The following RFTN1 variants were observed in gnomAD, a reference collection of about 807,000 sequenced individuals.
RFTN1 encodes the protein raftlin, lipid raft linker 1, also known as raftlin.
RFTN1 carries 26 observed loss-of-function variants against 46.5 expected under a neutral mutation model. The observed-to-expected ratio is 0.56, with a 90% CI of 0.41 to 0.78. The LOEUF is 0.78. RFTN1 is among the 30% of genes least tolerant of loss of function. The pLI, the probability that RFTN1 is intolerant of heterozygous loss-of-function variation, is 0.00. For missense variants in RFTN1, 693 were observed against 718.7 expected, an observed-to-expected ratio of 0.96 and a Z score of 0.41; for synonymous variants, 261 against 284.2, an observed-to-expected ratio of 0.92 and a Z score of 0.82.
rs1411481374 is a variant in RFTN1 at position 16,335,529 on chromosome 3, CAT to C, written c.1147-8655_1147-8654del. On this transcript the variant is annotated intron_variant, in intron 7 of 9. Coordinates refer to ENST00000334133, the MANE Select transcript of RFTN1 (RefSeq NM_015150.2). The surrounding 1 kb of genome is among the most constrained non-coding windows in gnomAD (Gnocchi z 4.7). ...CGCAGGAACAGAAAATCAAACACCA[CAT>C]GTTCTCACTTACAAGTGGGAGAGCT... Among the ~76,000 whole-genome samples, 4 of 152,200 alleles carry C rather than the reference CAT, an allele frequency of 2.6e-5. No individual in the cohort carries two copies. Among genetic ancestry groups the C allele is most frequent in the Admixed American group, 2.0e-4 (3 of 15,278 alleles).
intron 3 of RFTN1, among the ~76,000 whole-genome samples, chr3:16,420,974 G>A (rs981010523): frequency 6.6e-6 from 1 of 152,134 alleles, no homozygotes; most frequent in African/African-American, 2.4e-5. Context: ...GCAAGATTCC[G>A]ACTGCTTCAG....
rs767154890 is a variant in RFTN1 at position 16,382,753 on chromosome 3, G to T, written c.442-4651C>A. The stretch of plus-strand genomic sequence containing the variant: ...CACACCCTACCACATTTATCCCCCA[G>T]TGTTTCTGGAATTACTTCCTCCTTC... On this transcript the variant is annotated intron_variant, in intron 4 of 9. Coordinates refer to ENST00000334133, the MANE Select transcript of RFTN1 (RefSeq NM_015150.2). This position sits in a 1 kb window ranked among gnomAD's most constrained non-coding sequence, Gnocchi z 4.7. Among the ~76,000 whole-genome samples the T allele has an allele frequency of 1.1e-4, 16 of 152,134 alleles. No individual in the cohort carries two copies. The highest frequency in any genetic ancestry group is 1.5e-4 in the Non-Finnish European group (10 of 68,014).
rs1359854749 is a variant in RFTN1 at position 16,348,458 on chromosome 3, C to T, written c.1146+9474G>A. Among the ~76,000 whole-genome samples the T allele has an allele frequency of 6.6e-6, 1 of 152,176 alleles. No homozygotes were observed. The highest frequency in any genetic ancestry group is 1.5e-5 in the Non-Finnish European group (1 of 68,028). ...GCCCCCACACTCAATTCCCTTAGCC[C>T]ATCCAAGTCCTGGCTTGACTTGCCA... On this transcript the variant is annotated intron_variant, in intron 7 of 9. Coordinates refer to ENST00000334133, the MANE Select transcript of RFTN1 (RefSeq NM_015150.2). This position sits in a 1 kb window ranked among gnomAD's most constrained non-coding sequence, Gnocchi z 6.3.
rs2075967715 is a variant in RFTN1 at position 16,459,340 on chromosome 3, T to A, written c.146-25303A>T. Among the ~76,000 whole-genome samples the A allele has an allele frequency of 6.6e-6, 1 of 152,234 alleles. No individual in the cohort carries two copies. The highest frequency in any genetic ancestry group is 6.5e-5 in the Admixed American group (1 of 15,292). On this transcript the variant is annotated intron_variant, in intron 2 of 9. Coordinates refer to ENST00000334133, the MANE Select transcript of RFTN1 (RefSeq NM_015150.2). The surrounding 1 kb of genome is among the most constrained non-coding windows in gnomAD (Gnocchi z 4.2). ...CTCTTACATGAAGAGTTATGTGCCC[T>A]AGTAGAAAACTATTTTTCATTTTCT...
At position 16,507,200 on chromosome 3, in the gene RFTN1, T is replaced by C. The variant is rs2076822217; in HGVS notation, c.-9+6242A>G. Among the ~76,000 whole-genome samples, 1 of 152,208 alleles carries C rather than the reference T, an allele frequency of 6.6e-6. No homozygotes were observed. Reference sequence around the variant, plus strand: ...GCTCAGACACATAGAAAGAGCAGTATAAATATTAACCGTTTTAGTACTCTA... The same window carrying C: ...GCTCAGACACATAGAAAGAGCAGTACAAATATTAACCGTTTTAGTACTCTA... On this transcript the variant is annotated intron_variant, in intron 1 of 9. Transcript: ENST00000334133. This position sits in a 1 kb window ranked among gnomAD's most constrained non-coding sequence, Gnocchi z 7.1.
rs145852541 is a variant in RFTN1 at position 16,481,713 on chromosome 3, AG to A, written c.145+12011del. ...AAACAGAAGCCAAAAGTGGGTCAGGAGAAACTGTTTAATCTAATAGTCTGGA... is the reference window on the plus strand; with the variant it reads ...AAACAGAAGCCAAAAGTGGGTCAGGAAAACTGTTTAATCTAATAGTCTGGA... On this transcript the variant is annotated intron_variant, in intron 2 of 9. Transcript: ENST00000334133. This position sits in a 1 kb window ranked among gnomAD's most constrained non-coding sequence, Gnocchi z 5.1. Among the ~76,000 whole-genome samples, 379 of 152,372 alleles carry A rather than the reference AG, an allele frequency of 2.5e-3. 2 individuals are homozygous for A. Among genetic ancestry groups the A allele is most frequent in the Middle Eastern group, 0.01 (3 of 294 alleles).
Position 16,316,822 on chromosome 3 carries a change from C to T in RFTN1, c.*6G>A, listed in dbSNP as rs1441163462. 3.7e-6 allele frequency: 6 copies of T among 1,613,376 alleles called. No homozygotes were observed. Among genetic ancestry groups the T allele is most frequent in the Admixed American group, 3.3e-5 (2 of 59,916 alleles). ...TCACCTAGTTTTAGCACAAATTGCCCAAGACTCAGTTTTCTTCAACCGTAC... is the reference window on the plus strand; with the variant it reads ...TCACCTAGTTTTAGCACAAATTGCCTAAGACTCAGTTTTCTTCAACCGTAC... On this transcript the variant is annotated 3_prime_UTR_variant, in exon 10 of 10. Transcript: ENST00000334133. This position sits in a 1 kb window ranked among gnomAD's most constrained non-coding sequence, Gnocchi z 4.5.
chr3:16,461,220 G>A (rs187571445), intron 2 of RFTN1, among the ~76,000 whole-genome samples: 117 of 152,064 alleles, frequency 7.7e-4, no homozygotes, highest in African/African-American at 2.6e-3. Flanking sequence ...AGTTTCTTAG[G>A]CAATTCAAAT....
Position 16,320,731 on chromosome 3 carries a change from G to A in RFTN1, c.1332+2645C>T, listed in dbSNP as rs1017982647. On this transcript the variant is annotated intron_variant, in intron 9 of 9. Transcript: ENST00000334133. The surrounding 1 kb of genome is among the most constrained non-coding windows in gnomAD (Gnocchi z 4.5). ...AGAATGTCCTTGGCAGAGGGGACAC[G>A]GAAGAACTGGAGGCCACAGAGGAGC... is the stretch of plus-strand genomic sequence containing the variant. 2.0e-5 allele frequency among the ~76,000 whole-genome samples: 3 copies of A among 152,226 alleles called. No individual in the cohort carries two copies. Among genetic ancestry groups the A allele is most frequent in the Non-Finnish European group, 4.4e-5 (3 of 68,038 alleles).
At chr3:16,406,034 A>G (rs1318443465) in intron 4 of RFTN1, among the ~76,000 whole-genome samples, 1 of 152,228 alleles carries the variant, frequency 6.6e-6, no homozygotes, top group Non-Finnish European at 1.5e-5. Flanking sequence ...TTGCAGTGAA[A>G]AAAACCACAA....
In RFTN1 at chr3:16,376,785, C is replaced by T. The variant is rs1354732318; in HGVS notation, c.826+933G>A. Among the ~76,000 whole-genome samples the T allele has an allele frequency of 4.6e-5, 7 of 152,344 alleles. 1 individual carries two copies. In the South Asian group the frequency reaches 1.2e-3, roughly 27 times the overall value. ...GAATTAACCATCCCATAATTTTCCTCTCAAGAAGTTCTGATGTAACAAAAG... is the reference window on the plus strand; with the variant it reads ...GAATTAACCATCCCATAATTTTCCTTTCAAGAAGTTCTGATGTAACAAAAG... On this transcript the variant is annotated intron_variant, in intron 5 of 9. Coordinates refer to ENST00000334133, the MANE Select transcript of RFTN1 (RefSeq NM_015150.2). The surrounding 1 kb of genome is among the most constrained non-coding windows in gnomAD (Gnocchi z 4.7).
At chr3:16,432,408 C>T (rs2125492056) in intron 3 of RFTN1, among the ~76,000 whole-genome samples, 1 of 152,220 alleles carries the variant, frequency 6.6e-6, no homozygotes, top group East Asian at 1.9e-4. Flanking sequence ...GTCCCAGTTA[C>T]CTGGGAGGCT....
rs150311419 is a variant in RFTN1, at chr3:16,493,738, C to T, written c.132G>A (p.Thr44=). The change falls in exon 2 of 10, where the codon ACG becomes ACA. Residue 44 remains threonine, a synonymous_variant. Coordinates refer to ENST00000334133, the MANE Select transcript of RFTN1 (RefSeq NM_015150.2). ...VSYEYRFLEF[T]TLSAAELPGS... is the part of the protein sequence containing the mutation. ...CCATGTACTCACCAGCACTCAGAGTCGTGAACTCCAGGAAGCGGTATTCAT... is the reference window on the plus strand; with the variant it reads ...CCATGTACTCACCAGCACTCAGAGTTGTGAACTCCAGGAAGCGGTATTCAT... 3.1e-4 allele frequency: 499 copies of T among 1,610,624 alleles called. No individual in the cohort carries two copies. The highest frequency in any genetic ancestry group is 1.1e-4 in the Non-Finnish European group (128 of 1,178,310).
chr3:16,491,683 T>C (rs1421927598), intron 2 of RFTN1, among the ~76,000 whole-genome samples: 1 of 152,022 alleles, frequency 6.6e-6, no homozygotes, highest in Non-Finnish European at 1.5e-5. Flanking sequence ...ACTTCATGTG[T>C]TTGTGAAGGT....
In RFTN1 at chr3:16,326,838, G is replaced by A; in HGVS notation, c.1185C>T (p.Asn395=). 1 of 1,614,166 alleles carries A rather than the reference G, an allele frequency of 6.2e-7. No individual in the cohort carries two copies. Residue 395 remains asparagine, a synonymous_variant, in exon 8 of 10, where the codon AAC becomes AAT. Transcript: ENST00000334133. ...EVQTDYVPLL[N]SLAAYGWQLT... ...GCTGCCAGCCATAGGCCGCCAGCGA[G>A]TTCAGCAGGGGCACGTAGTCTGTCT...
chr3:16,430,659 A>T (rs1046515505), intron 3 of RFTN1, among the ~76,000 whole-genome samples: 3 of 152,126 alleles, frequency 2.0e-5, no homozygotes, highest in Admixed American at 6.5e-5. Context: ...GCATTTTTTT[A>T]AAAAAGGCAG....
intron 2 of RFTN1, among the ~76,000 whole-genome samples, chr3:16,487,367 T>C (rs913745352): frequency 5.9e-5 from 9 of 152,192 alleles, no homozygotes; most frequent in Non-Finnish European, 8.8e-5. Context: ...AGACACAGAT[T>C]CTGACCTGAA....
At position 16,335,306 on chromosome 3, in the gene RFTN1, C is replaced by T. The variant is rs961425693; in HGVS notation, c.1147-8430G>A. ...CTGGATTTCCTTGTGAGGGGGTGAG[C>T]AGAAGATGAACGAAAATGGGCTGAG... On this transcript the variant is annotated intron_variant, in intron 7 of 9. Coordinates refer to ENST00000334133, the MANE Select transcript of RFTN1 (RefSeq NM_015150.2). The surrounding 1 kb of genome is among the most constrained non-coding windows in gnomAD (Gnocchi z 4.7). Among the ~76,000 whole-genome samples, 1 of 152,114 alleles carries T rather than the reference C, an allele frequency of 6.6e-6. No homozygotes were observed. The highest frequency in any genetic ancestry group is 2.4e-5 in the African/African-American group (1 of 41,420).
Position 16,474,199 on chromosome 3 carries a change from A to T in RFTN1, c.145+19526T>A, listed in dbSNP as rs2076245719. Among the ~76,000 whole-genome samples, 2 of 152,324 alleles carry T rather than the reference A, an allele frequency of 1.3e-5. No individual in the cohort carries two copies. Among genetic ancestry groups the T allele is most frequent in the South Asian group, 2.1e-4 (1 of 4,826 alleles). On this transcript the variant is annotated intron_variant, in intron 2 of 9. Transcript: ENST00000334133. This position sits in a 1 kb window ranked among gnomAD's most constrained non-coding sequence, Gnocchi z 5.5. ...TTTTCTGATGACTTTATTCAATTCT[A>T]ACAACGCCAGGAAATATACTGCATT...
Sources: gnomAD v4.1 joint callset for allele counts (sites outside exome capture counted in the v4.1 genomes callset) on GRCh38, gnomAD v4.1.1 for gene constraint, Gnocchi (gnomAD v3.1) non-coding constraint, MANE v1.5 for transcripts, NCBI Gene and HGNC (gene_info 2026-07-23, HGNC 2026-07-21) for gene names.